GRIK5: variants seen among roughly 807,000 people sequenced by gnomAD.
GRIK5 encodes the protein glutamate receptor ionotropic, kainate 5.
Under a neutral mutation model 97.4 loss-of-function variants are expected in GRIK5, and 43 were observed. The observed-to-expected ratio is 0.44, with a 90% CI of 0.35 to 0.57. The LOEUF (loss-of-function observed/expected upper bound fraction) is 0.57, where lower values mean the gene tolerates loss of function less well. Ranked by LOEUF, GRIK5 falls within the 20% of genes least tolerant of loss-of-function variation. The pLI, the probability that GRIK5 is intolerant of heterozygous loss-of-function variation, is 0.01. For synonymous variants in GRIK5, 580 were observed against 583.5 expected (o/e 0.99, Z 0.09); for missense variants, 1,015 against 1,382.0 (o/e 0.73, Z 4.21).
intron 12 of GRIK5, among the ~76,000 whole-genome samples, chr19:42,025,345 T>C (rs967528792): frequency 6.6e-6 from 1 of 152,114 alleles, no homozygotes; most frequent in Non-Finnish European, 1.5e-5. Context: ...ACTCCCCTCC[T>C]AGGGGCTTTA....
At chr19:42,067,122 C>A (rs948116601) in intron 1 of GRIK5, among the ~76,000 whole-genome samples, 5 of 152,156 alleles carry the variant, frequency 3.3e-5, no homozygotes, top group Non-Finnish European at 7.4e-5. Context: ...GGAAGGGATG[C>A]TTGGGTTTCC....
chr19:42,009,078 A>G (rs2075528097), intron 15 of GRIK5, among the ~76,000 whole-genome samples: 1 of 151,936 alleles, frequency 6.6e-6, no homozygotes, highest in South Asian at 2.1e-4. Context: ...AAATAAAAAA[A>G]TTAGATGGGT....
chr19:42,051,036 C>A (rs1215723543), intron 11 of GRIK5, among the ~76,000 whole-genome samples: 1 of 152,140 alleles, frequency 6.6e-6, no homozygotes, highest in African/African-American at 2.4e-5. Flanking sequence ...CTAATAAGAG[C>A]GGAGGAATGG....
Position 42,053,715 on chromosome 19 carries a change from G to C in GRIK5, c.1162-6C>G. 1 of 1,588,080 alleles carries C rather than the reference G, an allele frequency of 6.3e-7. No homozygotes were observed. The highest frequency in any genetic ancestry group is 8.6e-7 in the Non-Finnish European group (1 of 1,156,216). ...TTAGAGTACCACACCCCAATCTAGG[G>C]GGCAGAGAGGGTGCTGTCAGCTCAG... On this transcript the variant is annotated splice_region_variant and splice_polypyrimidine_tract_variant and intron_variant, in intron 10 of 19. Transcript: ENST00000593562.
intron 11 of GRIK5, among the ~76,000 whole-genome samples, chr19:42,048,436 C>T (rs1032951083): frequency 2.0e-5 from 3 of 151,794 alleles, no homozygotes; most frequent in African/African-American, 4.8e-5. Flanking sequence ...CCTGGCTAAT[C>T]GGTGAAACCC....
chr19:42,003,174 C>A lies in GRIK5; in HGVS notation c.2514+158G>T, dbSNP rs1479206911. On this transcript the variant is annotated intron_variant, in intron 19 of 19. Coordinates refer to ENST00000593562, the MANE Select transcript of GRIK5 (RefSeq NM_002088.5). This position sits in a 1 kb window ranked among gnomAD's most constrained non-coding sequence, Gnocchi z 4.2. Reference sequence around the variant, plus strand: ...TCTTCCTCACGCGCTGATTCTCTGGCCCCATCAGCTCTCTTACTTCCCCAC... The same window carrying A: ...TCTTCCTCACGCGCTGATTCTCTGGACCCATCAGCTCTCTTACTTCCCCAC... Among the ~76,000 whole-genome samples the A allele has an allele frequency of 6.6e-6, 1 of 152,078 alleles. No individual in the cohort carries two copies. The highest frequency in any genetic ancestry group is 2.4e-5 in the African/African-American group (1 of 41,378).
intron 12 of GRIK5, among the ~76,000 whole-genome samples, chr19:42,033,536 G>A (rs2146083968): frequency 6.6e-6 from 1 of 152,050 alleles, no homozygotes; most frequent in East Asian, 1.9e-4. Context: ...AGGGAGTGGG[G>A]AGCGACTGCT....
intron 12 of GRIK5, among the ~76,000 whole-genome samples, chr19:42,038,024 G>A (rs1332297865): frequency 1.3e-5 from 2 of 152,188 alleles, no homozygotes; most frequent in East Asian, 3.8e-4. Flanking sequence ...CAGCTTCCTG[G>A]GACCCTGACC....
chr19:42,048,025 A>G (rs1008956716), intron 11 of GRIK5, among the ~76,000 whole-genome samples: 1 of 151,870 alleles, frequency 6.6e-6, no homozygotes, highest in Non-Finnish European at 1.5e-5. Flanking sequence ...CCTACCTCAC[A>G]TGCTACATAA....
intron 15 of GRIK5, among the ~76,000 whole-genome samples, chr19:42,019,978 T>C (rs2075677321): frequency 6.6e-6 from 1 of 151,942 alleles, no homozygotes; most frequent in Non-Finnish European, 1.5e-5. Flanking sequence ...TCATTGGGTT[T>C]TTTTGGGGGT....
chr19:42,054,311 C>A lies in GRIK5; in HGVS notation c.1056+9G>T. 6.2e-7 allele frequency: 1 copy of A among 1,602,202 alleles called. No homozygotes were observed. The highest frequency in any genetic ancestry group is 1.7e-4 in the Middle Eastern group (1 of 6,020). On this transcript the variant is annotated intron_variant, in intron 9 of 19. Coordinates refer to ENST00000593562, the MANE Select transcript of GRIK5 (RefSeq NM_002088.5). ...CCTGCCTCCTCCACCCATCCCCGCT[C>A]GGGCTCACCATGCGCAGGTAGTTCA...
At chr19:42,015,884 C>A (rs956876763) in intron 15 of GRIK5, among the ~76,000 whole-genome samples, 1 of 152,158 alleles carries the variant, frequency 6.6e-6, no homozygotes, top group African/African-American at 2.4e-5. Flanking sequence ...GACCTCCCAC[C>A]CTCACATTCC....
Position 41,998,998 on chromosome 19 carries a change from A to G in GRIK5, c.2816T>C (p.Ile939Thr). ...HVRVCQECRR[I>T]QALRASGAGA... ...GGCCCCCGAGGCCCGCAGCGCCTGG[A>G]TGCGCCGGCACTCCTGGCAGACGCG... Residue 939 changes from isoleucine (I) to threonine (T), a missense_variant, in exon 20 of 20, where the codon ATC (isoleucine) becomes ACC (threonine). Physicochemically the swap from Ile to Thr is moderately conservative, Grantham distance 89. Transcript: ENST00000593562. 1 of 1,198,434 alleles carries G rather than the reference A, an allele frequency of 8.3e-7. No individual in the cohort carries two copies. The highest frequency in any genetic ancestry group is 1.0e-6 in the Non-Finnish European group (1 of 960,608). The allele number at this position is 1,198,434 out of a possible 1,614,324, so 74.2% of individuals were successfully genotyped here.
Position 42,069,917 on chromosome 19 carries a change from G to C in GRIK5, c.-727C>G, listed in dbSNP as rs559762437. ...GGGAGACCCGGAGAGGCCAAGAAGG[G>C]GGCAAATGAGGTGGAGAGATAGGGA... On this transcript the variant is annotated 5_prime_UTR_variant, in exon 1 of 20. Coordinates refer to ENST00000593562, the MANE Select transcript of GRIK5 (RefSeq NM_002088.5). Among the ~76,000 whole-genome samples the C allele has an allele frequency of 1.3e-3, 198 of 152,244 alleles. No homozygotes were observed. The highest frequency in any genetic ancestry group is 4.5e-3 in the African/African-American group (185 of 41,554).
At chr19:42,048,080 A>G (rs2076066078) in intron 11 of GRIK5, among the ~76,000 whole-genome samples, 1 of 152,152 alleles carries the variant, frequency 6.6e-6, no homozygotes, top group African/African-American at 2.4e-5. Flanking sequence ...AAAAGGCAAA[A>G]TTATTAAGTT....
rs201491727 is a variant in GRIK5 at position 42,002,478 on chromosome 19, C to T, written c.2514+854G>A. The T allele has an allele frequency of 6.7e-5, 48 of 717,320 alleles. 1 individual carries two copies. Among genetic ancestry groups the T allele is most frequent in the South Asian group, 5.8e-4 (39 of 67,566 alleles). The allele number at this position is 717,320 out of a possible 1,614,324, so 44.4% of individuals were successfully genotyped here. A position where few individuals can be genotyped will look rare whatever the true frequency, so the allele number is the denominator to read the frequency against. ...AGGGCACCTTTACTAGCAGCATGGA[C>T]GGCTCCTTCAGAGGAGTCCTTGGGC... On this transcript the variant is annotated intron_variant, in intron 19 of 19. Transcript: ENST00000593562. The surrounding 1 kb of genome is among the most constrained non-coding windows in gnomAD (Gnocchi z 5.2).
At chr19:42,025,204 T>C (rs2075755008) in intron 12 of GRIK5, among the ~76,000 whole-genome samples, 1 of 152,034 alleles carries the variant, frequency 6.6e-6, no homozygotes, top group African/African-American at 2.4e-5. Flanking sequence ...GTCCCAGGGT[T>C]TTCCCCAGAG....
In GRIK5 at chr19:42,062,596, C is replaced by T. The variant is rs146737371; in HGVS notation, c.400G>A (p.Ala134Thr). Residue 134 changes from alanine (A) to threonine (T), a missense_variant, in exon 5 of 20, where the codon GCG becomes ACG. Ala to Thr is a moderately conservative substitution (Grantham distance 58, BLOSUM62 0). Coordinates refer to ENST00000593562, the MANE Select transcript of GRIK5 (RefSeq NM_002088.5). This position sits in a 1 kb window ranked among gnomAD's most constrained non-coding sequence, Gnocchi z 5.3. ...TTACTGGGGTACAGGCTGACAGACG[C>T]GAAGCGAAGGTACTGAAGGCGGGGT... ...ETPRLQYLRFASVSLYPSNED... is the reference protein window; with the variant it reads ...ETPRLQYLRFTSVSLYPSNED... The T allele has an allele frequency of 3.6e-5, 58 of 1,614,170 alleles. No individual in the cohort carries two copies. The African/African-American group carries it at 5.9e-4, about 16-fold the overall frequency.
At chr19:42,050,577 G>GA in intron 11 of GRIK5, among the ~76,000 whole-genome samples, 1 of 150,054 alleles carries the variant, frequency 6.7e-6, no homozygotes, top group Non-Finnish European at 1.5e-5. Context: ...AGAATGGTGT[G>GA]AACCCAGGAG....
Sources: allele counts gnomAD v4.1 joint callset (sites outside exome capture counted in the v4.1 genomes callset), GRCh38; gene constraint gnomAD v4.1.1; non-coding constraint Gnocchi (gnomAD v3.1); transcripts MANE v1.5; gene names NCBI Gene and HGNC (gene_info 2026-07-23, HGNC 2026-07-21).